CAMKMT: variants seen among roughly 807,000 people sequenced by gnomAD.
The protein encoded by CAMKMT is calmodulin-lysine N-methyltransferase, also known as CaM KMT.
A neutral mutation model predicts 48.0 loss-of-function variants in CAMKMT; 53 were observed. The ratio of observed to expected loss-of-function variants is 1.10; its 90% CI spans 0.89 to 1.39. CAMKMT has a LOEUF of 1.39. Among genes scored for constraint, CAMKMT ranks in the 40% most tolerant of loss-of-function variants. The pLI is 0.00. For synonymous variants in CAMKMT, 165 were observed against 152.3 expected (o/e 1.08, Z -0.61); for missense variants, 428 against 402.7 (o/e 1.06, Z -0.54).
chr2:44,587,314 C>A (rs927314774), intron 3 of CAMKMT, among the ~76,000 whole-genome samples: 1 of 152,150 alleles, frequency 6.6e-6, no homozygotes, highest in Non-Finnish European at 1.5e-5. Context: ...AAACTTCTTT[C>A]AGCAATATTT....
intron 7 of CAMKMT, among the ~76,000 whole-genome samples, chr2:44,726,275 A>T (rs865833128): frequency 5.9e-5 from 9 of 152,290 alleles, no homozygotes; most frequent in Middle Eastern, 6.8e-3. Context: ...TTTTCTCCAC[A>T]GCCTCGCCAG....
At chr2:44,417,498 A>G (rs980871107) in intron 3 of CAMKMT, among the ~76,000 whole-genome samples, 1 of 152,252 alleles carries the variant, frequency 6.6e-6, no homozygotes, top group African/African-American at 2.4e-5. Flanking sequence ...GCTGTTTTGC[A>G]TAAAACTAGT....
chr2:44,512,715 T>C (rs890604152), intron 3 of CAMKMT, among the ~76,000 whole-genome samples: 2 of 152,260 alleles, frequency 1.3e-5, no homozygotes, highest in African/African-American at 4.8e-5. Context: ...CTGTATGAAA[T>C]TTTGAAAGAC....
chr2:44,481,014 T>C (rs1668940734), intron 3 of CAMKMT, among the ~76,000 whole-genome samples: 1 of 152,054 alleles, frequency 6.6e-6, no homozygotes, highest in Non-Finnish European at 1.5e-5. Flanking sequence ...TGTGTGTGTG[T>C]GTGTATGTAT....
chr2:44,441,596 A>G (rs1050591283), intron 3 of CAMKMT, among the ~76,000 whole-genome samples: 1 of 151,964 alleles, frequency 6.6e-6, no homozygotes, highest in African/African-American at 2.4e-5. Flanking sequence ...TTTTTTTTAA[A>G]CCCAACACAG....
intron 3 of CAMKMT, among the ~76,000 whole-genome samples, chr2:44,548,645 TC>T (rs760926445): frequency 3.7e-4 from 57 of 152,240 alleles, no homozygotes; most frequent in African/African-American, 1.2e-4. Context: ...TAAATCTGGG[TC>T]TAGAGGTCAG....
rs182792467 is a variant in CAMKMT, at chr2:44,587,277, G to A, written c.377-117006G>A. On this transcript the variant is annotated intron_variant, in intron 3 of 10. Coordinates refer to ENST00000378494, the MANE Select transcript of CAMKMT (RefSeq NM_024766.5). ...CTGAGTCTTCTAATCAATGGACATG[G>A]CAGATTTTGCTGTTATTTTAAATTT... Among the ~76,000 whole-genome samples the A allele has an allele frequency of 2.6e-3, 395 of 152,168 alleles. 3 individuals carry two copies. The highest frequency in any genetic ancestry group is 9.1e-3 in the African/African-American group (378 of 41,520).
chr2:44,524,804 G>T (rs1671312846), intron 3 of CAMKMT, among the ~76,000 whole-genome samples: 2 of 152,126 alleles, frequency 1.3e-5, no homozygotes, highest in Non-Finnish European at 2.9e-5. Context: ...AATCCACCAG[G>T]CCTTGGCACA....
intron 3 of CAMKMT, among the ~76,000 whole-genome samples, chr2:44,455,875 A>C (rs1667536295): frequency 6.6e-6 from 1 of 152,188 alleles, no homozygotes; most frequent in South Asian, 2.1e-4. Context: ...GTTGGTCCTT[A>C]ATTAAAGGTT....
intron 3 of CAMKMT, among the ~76,000 whole-genome samples, chr2:44,428,977 G>C (rs1684461807): frequency 6.6e-6 from 1 of 152,144 alleles, no homozygotes; most frequent in African/African-American, 2.4e-5. Context: ...CCATGCATTT[G>C]GGGGCTTTAA....
intron 2 of CAMKMT, among the ~76,000 whole-genome samples, chr2:44,388,588 A>G (rs1179951531): frequency 6.6e-6 from 1 of 152,070 alleles, no homozygotes; most frequent in Non-Finnish European, 1.5e-5. Flanking sequence ...AGCCTTGTTT[A>G]GTCACATTAA....
chr2:44,413,959 T>C (rs1209368979), intron 3 of CAMKMT, among the ~76,000 whole-genome samples: 1 of 152,208 alleles, frequency 6.6e-6, no homozygotes, highest in African/African-American at 2.4e-5. Flanking sequence ...ACAAGATTCA[T>C]AGTAATATTT....
chr2:44,382,583 G>C (rs902494976), intron 2 of CAMKMT, among the ~76,000 whole-genome samples: 1 of 151,362 alleles, frequency 6.6e-6, no homozygotes, highest in African/African-American at 2.4e-5. Context: ...GGTTCATGCC[G>C]ATCTTCTGCC....
At chr2:44,492,052 T>C (rs1170839294) in intron 3 of CAMKMT, among the ~76,000 whole-genome samples, 3 of 152,190 alleles carry the variant, frequency 2.0e-5, no homozygotes, top group Admixed American at 2.0e-4. Flanking sequence ...ATCTAGATCT[T>C]AGTTATGATT....
chr2:44,367,094 A>G (rs1445067594), intron 1 of CAMKMT, among the ~76,000 whole-genome samples: 2 of 152,184 alleles, frequency 1.3e-5, no homozygotes, highest in Non-Finnish European at 2.9e-5. Flanking sequence ...TCTGGTTTTT[A>G]CTTGCATCCC....
At chr2:44,692,162 A>G (rs367712287) in intron 3 of CAMKMT, among the ~76,000 whole-genome samples, 1 of 152,192 alleles carries the variant, frequency 6.6e-6, no homozygotes, top group East Asian at 1.9e-4. Flanking sequence ...AATATCCCTG[A>G]AAGTACCATA....
intron 3 of CAMKMT, among the ~76,000 whole-genome samples, chr2:44,448,266 G>C (rs578015948): frequency 6.6e-6 from 1 of 152,092 alleles, no homozygotes; most frequent in African/African-American, 2.4e-5. Flanking sequence ...TTTTCCATCT[G>C]CCTTTAGTTG....
At chr2:44,481,168 C>T (rs1018328813) in intron 3 of CAMKMT, among the ~76,000 whole-genome samples, 16 of 152,092 alleles carry the variant, frequency 1.1e-4, no homozygotes, top group Admixed American at 7.9e-4. Context: ...GGGAACCTCA[C>T]ATGCTCTTAG....
At chr2:44,721,141 C>T (rs941381760) in intron 7 of CAMKMT, among the ~76,000 whole-genome samples, 14 of 152,072 alleles carry the variant, frequency 9.2e-5, no homozygotes, top group Admixed American at 4.6e-4. Context: ...TCCTTTTTCT[C>T]TCTTGTATAA....
Sources: gnomAD v4.1 joint callset for allele counts (sites outside exome capture counted in the v4.1 genomes callset) on GRCh38, gnomAD v4.1.1 for gene constraint, MANE v1.5 for transcripts, NCBI Gene and HGNC (gene_info 2026-07-23, HGNC 2026-07-21) for gene names.